NRG3: variants seen among roughly 807,000 people sequenced by gnomAD.
NRG3 encodes pro-neuregulin-3, membrane-bound isoform.
A neutral mutation model predicts 66.9 loss-of-function variants in NRG3; 31 were observed. The ratio of observed to expected loss-of-function variants is 0.46; its 90% CI spans 0.35 to 0.63. The LOEUF (loss-of-function observed/expected upper bound fraction) is 0.63, where lower values mean the gene tolerates loss of function less well. Among genes scored for constraint, NRG3 ranks in the 20% least tolerant of loss-of-function variants. The pLI is 0.00. For synonymous variants in NRG3, 393 were observed against 359.4 expected, an observed-to-expected ratio of 1.09 and a Z score of -1.06; for missense variants, 910 against 878.9, an observed-to-expected ratio of 1.04 and a Z score of -0.45.
At chr10:82,886,846 T>G (rs1183651841) in intron 4 of NRG3, among the ~76,000 whole-genome samples, 1 of 152,216 alleles carries the variant, frequency 6.6e-6, no homozygotes, top group Non-Finnish European at 1.5e-5. Flanking sequence ...TGACAACCAG[T>G]TCAGATCCTC....
At chr10:82,341,822 T>G (rs974086961) in intron 1 of NRG3, among the ~76,000 whole-genome samples, 19 of 152,128 alleles carry the variant, frequency 1.2e-4, no homozygotes, top group African/African-American at 4.6e-4. Context: ...ACCCTTTGTT[T>G]AGCTCCTGGT....
chr10:82,031,869 C>T (rs1564752781), intron 1 of NRG3, among the ~76,000 whole-genome samples: 1 of 152,044 alleles, frequency 6.6e-6, no homozygotes, highest in African/African-American at 2.4e-5. Flanking sequence ...TCTATGGATG[C>T]AGCATTTAGA....
chr10:82,498,058 G>T (rs1424993563), intron 2 of NRG3, among the ~76,000 whole-genome samples: 2 of 149,582 alleles, frequency 1.3e-5, no homozygotes, highest in South Asian at 2.1e-4. Flanking sequence ...GTCTGTTCAG[G>T]TTCTTTGCTC....
chr10:82,449,401 G>A (rs1316848373), intron 2 of NRG3, among the ~76,000 whole-genome samples: 1 of 152,232 alleles, frequency 6.6e-6, no homozygotes, highest in Non-Finnish European at 1.5e-5. Context: ...GCACTGGCAT[G>A]AGGCCCAGCC....
At chr10:82,091,901 T>G (rs2066047006) in intron 1 of NRG3, among the ~76,000 whole-genome samples, 1 of 152,184 alleles carries the variant, frequency 6.6e-6, no homozygotes. Flanking sequence ...TAGTCAATTA[T>G]GTTGAGTGTC....
chr10:82,640,754 T>C (rs1004059589), intron 2 of NRG3, among the ~76,000 whole-genome samples: 10 of 152,156 alleles, frequency 6.6e-5, no homozygotes, highest in Admixed American at 3.9e-4. Context: ...TTAAACATGA[T>C]TGGATATTAT....
intron 1 of NRG3, among the ~76,000 whole-genome samples, chr10:81,879,866 G>A (rs1463213400): frequency 2.0e-5 from 3 of 152,150 alleles, no homozygotes; most frequent in South Asian, 2.1e-4. Flanking sequence ...GATATAATTT[G>A]TTTAAATAAA....
At chr10:82,757,582 C>T (rs549845918) in intron 3 of NRG3, among the ~76,000 whole-genome samples, 2 of 152,134 alleles carry the variant, frequency 1.3e-5, no homozygotes, top group African/African-American at 4.8e-5. Context: ...AACATACACA[C>T]AAAATGTCAG....
chr10:82,030,267 A>G (rs2062503139), intron 1 of NRG3, among the ~76,000 whole-genome samples: 1 of 152,116 alleles, frequency 6.6e-6, no homozygotes, highest in South Asian at 2.1e-4. Flanking sequence ...GCTCCACCAG[A>G]TCTTTGCTTG....
chr10:82,917,756 G>C (rs932028199), intron 4 of NRG3, among the ~76,000 whole-genome samples: 1 of 151,952 alleles, frequency 6.6e-6, no homozygotes, highest in African/African-American at 2.4e-5. Context: ...CTTGGAGCTA[G>C]GAGCTTGGCT....
At chr10:82,909,231 A>G (rs1425878145) in intron 4 of NRG3, among the ~76,000 whole-genome samples, 1 of 152,194 alleles carries the variant, frequency 6.6e-6, no homozygotes, top group Non-Finnish European at 1.5e-5. Flanking sequence ...TTCTGTCACA[A>G]TTATTACCTC....
chr10:82,582,574 T>C (rs1187287313), intron 2 of NRG3, among the ~76,000 whole-genome samples: 1 of 152,054 alleles, frequency 6.6e-6, no homozygotes, highest in African/African-American at 2.4e-5. Flanking sequence ...TCAGAGATAG[T>C]GCTGTTTTTA....
intron 1 of NRG3, among the ~76,000 whole-genome samples, chr10:82,223,441 A>G (rs2076028758): frequency 1.3e-5 from 2 of 152,092 alleles, no homozygotes; most frequent in South Asian, 4.1e-4. Flanking sequence ...GCCAATTGCT[A>G]TTCCTGGTGG....
At chr10:81,990,248 A>G (rs770448784) in intron 1 of NRG3, among the ~76,000 whole-genome samples, 1 of 152,170 alleles carries the variant, frequency 6.6e-6, no homozygotes, top group Non-Finnish European at 1.5e-5. Flanking sequence ...TTAGTCATGC[A>G]TATGCTAGTA....
At chr10:82,670,673 A>G (rs1167823812) in intron 2 of NRG3, among the ~76,000 whole-genome samples, 1 of 152,182 alleles carries the variant, frequency 6.6e-6, no homozygotes, top group Non-Finnish European at 1.5e-5. Context: ...CAAAACAGGT[A>G]TCTTCTCCTG....
chr10:81,877,538 C>A, intron 1 of NRG3: 1 of 288,184 alleles, frequency 3.5e-6, no homozygotes, highest in Non-Finnish European at 5.4e-6. Context: ...GCCCTATGAT[C>A]TTACCCTGGG....
chr10:82,623,117 A>C (rs2049154925), intron 2 of NRG3, among the ~76,000 whole-genome samples: 1 of 152,120 alleles, frequency 6.6e-6, no homozygotes, highest in Admixed American at 6.5e-5. Context: ...ACTAATCACA[A>C]TGGCAATGCC....
At chr10:82,451,287 C>T (rs1466019079) in intron 2 of NRG3, among the ~76,000 whole-genome samples, 1 of 152,088 alleles carries the variant, frequency 6.6e-6, no homozygotes, top group Non-Finnish European at 1.5e-5. Context: ...AGCAGTCTTC[C>T]TTCAGAGTCC....
intron 2 of NRG3, among the ~76,000 whole-genome samples, chr10:82,535,429 C>T (rs1049920967): frequency 5.3e-5 from 8 of 151,978 alleles, no homozygotes; most frequent in African/African-American, 1.9e-4. Context: ...ATCCCACTCT[C>T]TATAGAAGAA....
Sources: gnomAD v4.1 joint callset for allele counts (sites outside exome capture counted in the v4.1 genomes callset) on GRCh38, gnomAD v4.1.1 for gene constraint, MANE v1.5 for transcripts, NCBI Gene and HGNC (gene_info 2026-07-23, HGNC 2026-07-21) for gene names.